CGGBP1: variants seen among roughly 807,000 people sequenced by gnomAD.
The protein encoded by CGGBP1 is CGG triplet repeat-binding protein 1.
In CGGBP1, 4 loss-of-function variants were observed where a neutral mutation model predicts 11.4. The ratio of observed to expected loss-of-function variants is 0.35; its 90% CI spans 0.17 to 0.80. The LOEUF is 0.80. Among genes scored for constraint, CGGBP1 ranks in the 30% least tolerant of loss-of-function variants. The pLI, the probability that CGGBP1 is intolerant of heterozygous loss-of-function variation, is 0.52. For synonymous variants in CGGBP1, 76 were observed against 74.1 expected (o/e 1.03, Z -0.13); for missense variants, 135 against 202.1 (o/e 0.67, Z 2.01).
At chr3:88,125,220 A>C (rs1706024938) in intron 2 of CGGBP1, among the ~76,000 whole-genome samples, 1 of 151,560 alleles carries the variant, frequency 6.6e-6, no homozygotes. Context: ...CATCTCAAAA[A>C]AAAAAACAAA....
chr3:88,075,317 A>G (rs1707740974), intron 2 of CGGBP1, among the ~76,000 whole-genome samples: 1 of 152,154 alleles, frequency 6.6e-6, no homozygotes, highest in Non-Finnish European at 1.5e-5. Flanking sequence ...CTGCTCTTGC[A>G]TCTGTATTTC....
chr3:88,121,877 G>A (rs13063511), intron 2 of CGGBP1, among the ~76,000 whole-genome samples: 107,500 of 152,046 alleles, frequency 0.71, 41,717 homozygotes, highest in South Asian at 0.91. Flanking sequence ...TCTTCATTTC[G>A]TTCAGACTCC....
intron 2 of CGGBP1, among the ~76,000 whole-genome samples, chr3:88,111,452 G>T (rs1705084035): frequency 6.6e-6 from 1 of 151,618 alleles, no homozygotes; most frequent in Non-Finnish European, 1.5e-5. Flanking sequence ...ATAATGTAAT[G>T]AATATATATC....
Position 88,055,035 on chromosome 3 carries a change from C to T in CGGBP1, c.*438G>A, listed in dbSNP as rs1260529504. ...TCTCCCTTCCTTTTTGAAGAGGATC[C>T]TCTAAAGAAAATAATTCCTTTAAGT... On this transcript the variant is annotated 3_prime_UTR_variant, in exon 4 of 4. Transcript: ENST00000482016. This position sits in a 1 kb window ranked among gnomAD's most constrained non-coding sequence, Gnocchi z 4.2. The T allele has an allele frequency of 2.0e-5, 3 of 153,646 alleles. No individual in the cohort carries two copies. The highest frequency in any genetic ancestry group is 1.9e-4 in the East Asian group (1 of 5,228). The allele number at this position is 153,646 out of a possible 1,614,324, so 9.5% of individuals were successfully genotyped here.
upstream of CGGBP1, chr3:88,059,237 A>AG (rs902984647): frequency 2.1e-5 from 32 of 1,519,726 alleles, no homozygotes; most frequent in Admixed American, 6.5e-4. Context: ...GGAGGGAACT[A>AG]GAGAGGAGGA....
intron 2 of CGGBP1, among the ~76,000 whole-genome samples, chr3:88,065,481 C>G (rs985027371): frequency 6.6e-6 from 1 of 151,980 alleles, no homozygotes; most frequent in Non-Finnish European, 1.5e-5. Context: ...TTTATTCATA[C>G]GAGAAACTGT....
chr3:88,122,038 T>C (rs953190911), intron 2 of CGGBP1, among the ~76,000 whole-genome samples: 2 of 152,202 alleles, frequency 1.3e-5, no homozygotes, highest in Non-Finnish European at 2.9e-5. Context: ...ACACTTAAGA[T>C]AGTAATGCAA....
chr3:88,089,784 C>T (rs1459901478), intron 2 of CGGBP1, among the ~76,000 whole-genome samples: 1 of 152,198 alleles, frequency 6.6e-6, no homozygotes, highest in Non-Finnish European at 1.5e-5. Context: ...TATGTTCCTA[C>T]TGCTTAGATT....
At chr3:88,147,756 C>T (rs1205976292) in intron 1 of CGGBP1, among the ~76,000 whole-genome samples, 1 of 152,152 alleles carries the variant, frequency 6.6e-6, no homozygotes, top group Non-Finnish European at 1.5e-5. Flanking sequence ...ACATCCATGG[C>T]TCTTAATTGT....
chr3:88,082,248 TCC>T (rs1021704533), intron 2 of CGGBP1, among the ~76,000 whole-genome samples: 12 of 152,010 alleles, frequency 7.9e-5, no homozygotes, highest in African/African-American at 2.2e-4. Context: ...TGCCTCAGCC[TCC>T]CAAGTAGCTA....
intron 2 of CGGBP1, among the ~76,000 whole-genome samples, chr3:88,083,181 A>T (rs73146099): frequency 3.3e-5 from 5 of 152,146 alleles, no homozygotes; most frequent in African/African-American, 1.2e-4. Context: ...ATACAGTCCC[A>T]TCGGGGGGTT....
In CGGBP1 at chr3:88,088,606, G is replaced by C. The variant is rs1261920174; in HGVS notation, c.-228-30383C>G. ...CCAGAATGTAAAACAAAACCAAAGA[G>C]AAATTTAAATGTGTGTGTGTACACT... On this transcript the variant is annotated intron_variant, in intron 2 of 3. Transcript: ENST00000462901. Among the ~76,000 whole-genome samples the C allele has an allele frequency of 1.1e-4, 16 of 152,272 alleles. No homozygotes were observed. In the South Asian group the frequency reaches 2.9e-3, roughly 28 times the overall value.
intron 2 of CGGBP1, chr3:88,126,412 T>G: frequency 2.0e-6 from 2 of 1,009,584 alleles, no homozygotes; most frequent in Non-Finnish European, 2.6e-6. Context: ...GAAAAGTGTT[T>G]GTTTTTCTAA....
intron 2 of CGGBP1, chr3:88,140,386 A>G (rs1177981253): frequency 6.2e-7 from 1 of 1,613,104 alleles, no homozygotes; most frequent in African/African-American, 1.3e-5. Flanking sequence ...AATGAGAAAC[A>G]AACTATTAGT....
chr3:88,080,958 C>T (rs1708045641), intron 2 of CGGBP1, among the ~76,000 whole-genome samples: 1 of 152,122 alleles, frequency 6.6e-6, no homozygotes, highest in African/African-American at 2.4e-5. Flanking sequence ...TGTTCTTTTC[C>T]CATTCCAGGA....
chr3:88,122,571 GAC>G (rs1705833450), intron 2 of CGGBP1, among the ~76,000 whole-genome samples: 1 of 152,112 alleles, frequency 6.6e-6, no homozygotes, highest in Non-Finnish European at 1.5e-5. Flanking sequence ...CTTTGGCCAA[GAC>G]ACAAAGTTGA....
At chr3:88,070,499 CA>C (rs1707442496) in intron 2 of CGGBP1, among the ~76,000 whole-genome samples, 1 of 148,916 alleles carries the variant, frequency 6.7e-6, no homozygotes, top group African/African-American at 2.5e-5. Context: ...AACAATAATT[CA>C]GACATACCAA....
chr3:88,074,538 C>G (rs1707693673), intron 2 of CGGBP1, among the ~76,000 whole-genome samples: 1 of 151,936 alleles, frequency 6.6e-6, no homozygotes, highest in Non-Finnish European at 1.5e-5. Flanking sequence ...GACAGGATTT[C>G]ACCATGTTGG....
chr3:88,054,291 A>G lies in CGGBP1; in HGVS notation c.*1182T>C, dbSNP rs1706491511. The G allele has an allele frequency of 6.6e-6, 1 of 152,514 alleles. No individual in the cohort carries two copies. The highest frequency in any genetic ancestry group is 6.5e-5 in the Admixed American group (1 of 15,290). 9.4% of individuals were successfully genotyped at this position (152,514 alleles called of 1,614,324 possible). On this transcript the variant is annotated 3_prime_UTR_variant, in exon 4 of 4. Transcript: ENST00000482016. Reference sequence around the variant, plus strand: ...GTCTCTGATAGAACTTAGCTGGGCTAAGCTACTTGGATAACCTTACAGGAT... The same window carrying G: ...GTCTCTGATAGAACTTAGCTGGGCTGAGCTACTTGGATAACCTTACAGGAT...
Sources: allele counts gnomAD v4.1 joint callset (sites outside exome capture counted in the v4.1 genomes callset), GRCh38; gene constraint gnomAD v4.1.1; non-coding constraint Gnocchi (gnomAD v3.1); transcripts MANE v1.5; gene names NCBI Gene and HGNC (gene_info 2026-07-23, HGNC 2026-07-21).